The following SYNE1 variants were observed in gnomAD, a reference collection of about 807,000 sequenced individuals.
SYNE1 encodes the protein spectrin repeat containing nuclear envelope protein 1, also known as nesprin-1.
A neutral mutation model predicts 1,111.0 loss-of-function variants in SYNE1; 616 were observed. That is an observed-to-expected ratio of 0.55 (90% CI 0.52 to 0.59). SYNE1 has a LOEUF of 0.59. Among genes scored for constraint, SYNE1 ranks in the 20% least tolerant of loss-of-function variants. The pLI, the probability that SYNE1 is intolerant of heterozygous loss-of-function variation, is 0.00. For synonymous variants in SYNE1, 3,855 were observed against 3,825.8 expected, an observed-to-expected ratio of 1.01 and a Z score of -0.28; for missense variants, 10,006 against 10,417.0, an observed-to-expected ratio of 0.96 and a Z score of 1.72.
intron 128 of SYNE1, among the ~76,000 whole-genome samples, chr6:152,180,716 AAAT>A (rs2153184602): frequency 6.6e-6 from 1 of 152,202 alleles, no homozygotes; most frequent in East Asian, 1.9e-4. Context: ...AAAAGAGTAA[AAAT>A]AGGGAAGGAA....
intron 4 of SYNE1, among the ~76,000 whole-genome samples, chr6:152,532,536 T>C (rs1265259943): frequency 1.3e-5 from 2 of 152,210 alleles, no homozygotes; most frequent in Non-Finnish European, 2.9e-5. Context: ...GTTAAGTATT[T>C]ACTTCAGTTG....
At position 152,230,488 on chromosome 6, in the gene SYNE1, A is replaced by G; in HGVS notation, c.21195+59T>C. On this transcript the variant is annotated intron_variant, in intron 115 of 145. Coordinates refer to ENST00000367255, the MANE Select transcript of SYNE1 (RefSeq NM_182961.4). ...CTTGCAACTCTCAAGGCCTATAAAC[A>G]TATTAGCATACGCTATGAAATTGTG... is the stretch of plus-strand genomic sequence containing the variant. The G allele has an allele frequency of 1.9e-6, 3 of 1,542,340 alleles. No individual in the cohort carries two copies. In the South Asian group the frequency reaches 3.4e-5, roughly 17 times the overall value.
intron 18 of SYNE1, chr6:152,465,028 T>C: frequency 1.8e-6 from 1 of 567,642 alleles, no homozygotes; most frequent in Non-Finnish European, 3.2e-6. Flanking sequence ...CAGGGTAATA[T>C]AGTGCCCTCC....
At chr6:152,617,428 C>T (rs1021513410) in intron 3 of SYNE1, among the ~76,000 whole-genome samples, 5 of 152,208 alleles carry the variant, frequency 3.3e-5, no homozygotes, top group African/African-American at 1.2e-4. Context: ...TATTATGTCA[C>T]TCTCATAGAC....
intron 3 of SYNE1, among the ~76,000 whole-genome samples, chr6:152,561,878 T>A (rs1272683872): frequency 2.6e-5 from 4 of 152,172 alleles, no homozygotes; most frequent in Non-Finnish European, 5.9e-5. Flanking sequence ...TGAAACTGGA[T>A]CCTTATTTTA....
At position 152,176,398 on chromosome 6, in the gene SYNE1, C is replaced by T; in HGVS notation, c.23623G>A (p.Ala7875Thr). ...RWQHLLDLIA[A>T]RVKKLKETLV... is the part of the protein sequence containing the mutation. ...ATTGACTCAGGTCCTCTTTACCTGG[C>T]TGCAATGAGGTCCAGGAGATGCTGC... The change falls in exon 130 of 146, where the codon GCC becomes ACC. Residue 7875 changes from alanine to threonine, a missense_variant. Coordinates refer to ENST00000367255, the MANE Select transcript of SYNE1 (RefSeq NM_182961.4). The T allele has an allele frequency of 6.2e-7, 1 of 1,614,124 alleles. No homozygotes were observed. The highest frequency in any genetic ancestry group is 8.5e-7 in the Non-Finnish European group (1 of 1,180,002).
In SYNE1 at chr6:152,401,093, A is replaced by G. The variant is rs177330; in HGVS notation, c.7029+45T>C. The G allele has an allele frequency of 0.4, 629,898 of 1,581,814 alleles. 131,753 individuals are homozygous for G. The highest frequency in any genetic ancestry group is 0.77 in the East Asian group (34,535 of 44,634). On this transcript the variant is annotated intron_variant, in intron 47 of 145. Coordinates refer to ENST00000367255, the MANE Select transcript of SYNE1 (RefSeq NM_182961.4). Reference sequence around the variant, plus strand: ...TATAGTCACCACAAAACAGAACTACAATCACCATTTGAATGGAAGCACTTA... The same window carrying G: ...TATAGTCACCACAAAACAGAACTACGATCACCATTTGAATGGAAGCACTTA...
At chr6:152,231,981 C>T (rs2082881365) in intron 113 of SYNE1, 135 bp downstream of exon 113, 2 of 627,612 alleles carry the variant, frequency 3.2e-6, no homozygotes, top group South Asian at 2.1e-5. Context: ...ATTTTTCTTG[C>T]TATTGAATTC....
intron 143 of SYNE1, among the ~76,000 whole-genome samples, chr6:152,132,498 TG>T (rs2056016415): frequency 1.3e-5 from 2 of 152,216 alleles, no homozygotes; most frequent in Non-Finnish European, 2.9e-5. Context: ...CTTGGAGACA[TG>T]GATATGAATG....
intron 3 of SYNE1, among the ~76,000 whole-genome samples, chr6:152,608,322 A>G (rs985262998): frequency 1.3e-5 from 2 of 152,180 alleles, no homozygotes; most frequent in Admixed American, 1.3e-4. Context: ...CATTTTGCAA[A>G]GTTGAAAAAG....
In SYNE1 at chr6:152,164,050, A is replaced by T. The variant is rs149393885; in HGVS notation, c.23790+113T>A. ...GCCCCCTTCCTCACCAGTCCTGCCT[A>T]GCTCCCTGCTGACCTTCCATCTCCA... On this transcript the variant is annotated intron_variant, in intron 131 of 145. Coordinates refer to ENST00000367255, the MANE Select transcript of SYNE1 (RefSeq NM_182961.4). The T allele has an allele frequency of 1.8e-3, 2,509 of 1,432,034 alleles. 4 individuals are homozygous for T. Among genetic ancestry groups the T allele is most frequent in the Non-Finnish European group, 2.0e-3 (1,988 of 1,019,110 alleles). 88.7% of individuals were successfully genotyped at this position (1,432,034 alleles called of 1,614,324 possible). A position where few individuals can be genotyped will look rare whatever the true frequency, so the allele number is the denominator to read the frequency against.
In SYNE1 at chr6:152,231,484, C is replaced by T. The variant is rs2082733382; in HGVS notation, c.20946G>A (p.Val6982=). 6.2e-7 allele frequency: 1 copy of T among 1,613,960 alleles called. No individual in the cohort carries two copies. The highest frequency in any genetic ancestry group is 1.7e-5 in the Admixed American group (1 of 59,982). ...QSVLQISSQD[V]ESKRSDKTDF... ...CAGTCTTATCACTACGCTTACTTTC[C>T]ACATCCTGACTGCTGATTTGTAGCA... is the stretch of plus-strand genomic sequence containing the variant. The change falls in exon 114 of 146, where the codon GTG becomes GTA. Residue 6982 remains valine, a synonymous_variant. Coordinates refer to ENST00000367255, the MANE Select transcript of SYNE1 (RefSeq NM_182961.4).
At chr6:152,300,515 A>G (rs564689421) in intron 93 of SYNE1, 126 bp downstream of exon 93, 8 of 1,335,748 alleles carry the variant, frequency 6.0e-6, no homozygotes, top group East Asian at 2.3e-5. Flanking sequence ...ATAACACCTA[A>G]TAGTGTGTCC....
rs752348930 is a variant in SYNE1 at position 152,401,282 on chromosome 6, T to G, written c.6885A>C (p.Ala2295=). 3 of 1,614,124 alleles carry G rather than the reference T, an allele frequency of 1.9e-6. No individual in the cohort carries two copies. Among genetic ancestry groups the G allele is most frequent in the Non-Finnish European group, 2.5e-6 (3 of 1,180,024 alleles). The change falls in exon 47 of 146, where the codon GCA becomes GCC. Residue 2295 remains alanine (A), a synonymous_variant. Coordinates refer to ENST00000367255, the MANE Select transcript of SYNE1 (RefSeq NM_182961.4). The part of the protein sequence containing the change: ...LEHAKEITEV[A]KGTLKDFTAQ... ...CCGTGAAATCCTTCAGGGTTCCTTT[T>G]GCTACTTCAGTTATTTCTTTGGCAT...
intron 25 of SYNE1, among the ~76,000 whole-genome samples, chr6:152,452,712 T>C (rs1353108060): frequency 3.3e-5 from 5 of 152,220 alleles, no homozygotes; most frequent in Non-Finnish European, 5.9e-5. Flanking sequence ...CAGCCTTCCA[T>C]GGGTCTCCAC....
At chr6:152,199,933 G>T (rs972517257) in intron 127 of SYNE1, among the ~76,000 whole-genome samples, 2 of 152,274 alleles carry the variant, frequency 1.3e-5, no homozygotes, top group Admixed American at 6.5e-5. Context: ...AAAAAATGAC[G>T]CCCCATGGCA....
intron 3 of SYNE1, among the ~76,000 whole-genome samples, chr6:152,593,501 G>A (rs1172434419): frequency 6.6e-6 from 1 of 152,078 alleles, no homozygotes; most frequent in Non-Finnish European, 1.5e-5. Flanking sequence ...AGAATGGCGT[G>A]AATCCGGGAG....
chr6:152,220,955 G>A lies in SYNE1; in HGVS notation c.21748C>T (p.Gln7250Ter). 6.2e-7 allele frequency: 1 copy of A among 1,614,164 alleles called. No homozygotes were observed. Among genetic ancestry groups the A allele is most frequent in the Non-Finnish European group, 8.5e-7 (1 of 1,179,998 alleles). The change falls in exon 119 of 146, where the codon CAG (glutamine) becomes TAG (stop). Residue 7250 changes from glutamine to a stop codon, truncating the protein, a stop_gained. Transcript: ENST00000367255. LOFTEE classifies it high-confidence loss of function. Reference protein sequence around the residue: ...LWQRYKDYSKQCASTVQQQED... With the variant: ...LWQRYKDYSK ...TGCTGCTGAACTGTCGAAGCACACT[G>A]TTTGGAGTAGTCCTTGTATCTTTGC...
chr6:152,325,306 G>A lies in SYNE1; in HGVS notation c.15439-4C>T. The A allele has an allele frequency of 6.2e-7, 1 of 1,613,982 alleles. No individual in the cohort carries two copies. ...AGTTAACCACTGACACTAAAGCCTA[G>A]GGTTGGGGGTGGAGGACGGAAGAGA... On this transcript the variant is annotated splice_polypyrimidine_tract_variant and splice_region_variant and intron_variant, in intron 80 of 145. Coordinates refer to ENST00000367255, the MANE Select transcript of SYNE1 (RefSeq NM_182961.4).
Sources: allele counts gnomAD v4.1 joint callset (sites outside exome capture counted in the v4.1 genomes callset), GRCh38; gene constraint gnomAD v4.1.1; transcripts MANE v1.5; gene names NCBI Gene and HGNC (gene_info 2026-07-23, HGNC 2026-07-21).